HIVEP3: variants seen among roughly 807,000 people sequenced by gnomAD.
The protein encoded by HIVEP3 is HIVEP zinc finger 3.
Under a neutral mutation model 152.8 loss-of-function variants are expected in HIVEP3, and 49 were observed. The observed-to-expected ratio is 0.32, with a 90% CI of 0.26 to 0.41. The LOEUF is 0.41. Among genes scored for constraint, HIVEP3 ranks in the 10% least tolerant of loss-of-function variants. The pLI is 1.00. For synonymous variants in HIVEP3, 1,269 were observed against 1,289.0 expected (o/e 0.98, Z 0.33); for missense variants, 2,790 against 3,103.3 (o/e 0.90, Z 2.40).
intron 1 of HIVEP3, among the ~76,000 whole-genome samples, chr1:42,007,081 T>A (rs531239736): frequency 9.2e-5 from 14 of 152,190 alleles, no homozygotes; most frequent in Non-Finnish European, 1.9e-4. Context: ...TTCTGAGTAA[T>A]AAGCACAATT....
At chr1:41,949,223 T>C (rs1645092001) in intron 1 of HIVEP3, among the ~76,000 whole-genome samples, 1 of 152,356 alleles carries the variant, frequency 6.6e-6, no homozygotes, top group South Asian at 2.1e-4. Context: ...GCAAGATTTA[T>C]ACAATTATGT....
chr1:41,969,348 G>A (rs972003624), intron 1 of HIVEP3, among the ~76,000 whole-genome samples: 1 of 152,044 alleles, frequency 6.6e-6, no homozygotes, highest in Admixed American at 6.5e-5. Flanking sequence ...CATGATACTG[G>A]TACAAAATAG....
rs1486046552 is a variant in HIVEP3 at position 41,507,017 on chromosome 1, A to C, written c.*3434T>G. On this transcript the variant is annotated 3_prime_UTR_variant, in exon 9 of 9. Transcript: ENST00000372583. ...AACACAGAAGCAGAATTGGTGGAAC[A>C]GGCTTTCGGGAACTTTCTTCCCCTG... is the stretch of plus-strand genomic sequence containing the variant. 1 of 152,062 alleles carries C rather than the reference A, an allele frequency of 6.6e-6. No homozygotes were observed. 9.4% of individuals were successfully genotyped at this position (152,062 alleles called of 1,614,324 possible).
intron 1 of HIVEP3, among the ~76,000 whole-genome samples, chr1:41,947,881 C>A (rs868035945): frequency 6.6e-6 from 1 of 152,206 alleles, no homozygotes; most frequent in Non-Finnish European, 1.5e-5. Context: ...GTGTGGACAT[C>A]TCATGATGTG....
chr1:41,984,161 C>T (rs777200412), intron 1 of HIVEP3, among the ~76,000 whole-genome samples: 1 of 152,150 alleles, frequency 6.6e-6, no homozygotes, highest in African/African-American at 2.4e-5. Context: ...TTTGTAGATA[C>T]AGGGTCTTGC....
chr1:41,945,734 C>T (rs1020389851), intron 1 of HIVEP3, among the ~76,000 whole-genome samples: 7 of 152,090 alleles, frequency 4.6e-5, no homozygotes, highest in African/African-American at 1.7e-4. Context: ...TAGGAAGAAG[C>T]CCATGAATTA....
intron 1 of HIVEP3, among the ~76,000 whole-genome samples, chr1:41,789,947 C>T (rs1358966181): frequency 3.3e-5 from 5 of 152,190 alleles, no homozygotes; most frequent in African/African-American, 1.2e-4. Flanking sequence ...CAGGATCACA[C>T]GTAACACCCA....
intron 1 of HIVEP3, among the ~76,000 whole-genome samples, chr1:41,979,437 A>C (rs1444214447): frequency 6.6e-6 from 1 of 152,196 alleles, no homozygotes; most frequent in African/African-American, 2.4e-5. Flanking sequence ...AGGCTTAGTC[A>C]CTTGTCCACA....
At chr1:41,697,750 T>G (rs1233203275) in intron 2 of HIVEP3, among the ~76,000 whole-genome samples, 1 of 152,340 alleles carries the variant, frequency 6.6e-6, no homozygotes, top group East Asian at 1.9e-4. Context: ...TATCCCCACA[T>G]GCTGCCCTCA....
intron 2 of HIVEP3, among the ~76,000 whole-genome samples, chr1:41,685,215 CT>C (rs2124097768): frequency 6.6e-6 from 1 of 152,312 alleles, no homozygotes; most frequent in African/African-American, 2.4e-5. Context: ...CAAGGTGCTA[CT>C]CCCCCAAACA....
intron 5 of HIVEP3, among the ~76,000 whole-genome samples, chr1:41,527,788 G>C (rs1199645885): frequency 2.6e-5 from 2 of 77,634 alleles, no homozygotes; most frequent in Non-Finnish European, 5.1e-5. Flanking sequence ...ACTCACACTC[G>C]TTCTCACACT....
At chr1:41,824,314 A>G (rs1642694170) in intron 1 of HIVEP3, among the ~76,000 whole-genome samples, 1 of 152,216 alleles carries the variant, frequency 6.6e-6, no homozygotes, top group East Asian at 1.9e-4. Flanking sequence ...CATTTCCACC[A>G]TTTACTTTCC....
intron 1 of HIVEP3, among the ~76,000 whole-genome samples, chr1:41,932,509 G>A (rs901746269): frequency 6.6e-6 from 1 of 151,812 alleles, no homozygotes; most frequent in African/African-American, 2.4e-5. Context: ...AATATCTGTA[G>A]GGTCAGCAGT....
At chr1:42,025,114 C>A (rs1206737480) in intron 1 of HIVEP3, among the ~76,000 whole-genome samples, 1 of 152,182 alleles carries the variant, frequency 6.6e-6, no homozygotes, top group Non-Finnish European at 1.5e-5. Flanking sequence ...GTTTCTGCCC[C>A]ATTCTCTTTC....
At chr1:41,950,700 A>G (rs1431594784) in intron 1 of HIVEP3, among the ~76,000 whole-genome samples, 1 of 152,228 alleles carries the variant, frequency 6.6e-6, no homozygotes, top group Non-Finnish European at 1.5e-5. Flanking sequence ...ACATGTAAAT[A>G]ATAGGGGACA....
intron 1 of HIVEP3, among the ~76,000 whole-genome samples, chr1:41,870,481 CTGACACAGTACG>C (rs1340203200): frequency 6.6e-6 from 1 of 152,166 alleles, no homozygotes; most frequent in African/African-American, 2.4e-5. Context: ...TTCCCAGCGC[CTGACACAGTACG>C]TGCAACATGG....
rs771153576 is a variant in HIVEP3 at position 41,583,142 on chromosome 1, G to A, written c.1656C>T (p.Thr552=). Residue 552 remains threonine, a synonymous_variant, in exon 4 of 9, where the codon ACC becomes ACT. Transcript: ENST00000372583. The surrounding 1 kb of genome is among the most constrained non-coding windows in gnomAD (Gnocchi z 6.9). ...AGCTACCTCGGAAGGGGTGGTGGGGGGTGCTGATAGTGCAGGCGGCAGAAG... is the reference window on the plus strand; with the variant it reads ...AGCTACCTCGGAAGGGGTGGTGGGGAGTGCTGATAGTGCAGGCGGCAGAAG... ...SMPSAACTIS[T]PHHPFRGSYS... is the part of the protein sequence containing the mutation. 3.1e-5 allele frequency: 50 copies of A among 1,613,268 alleles called. 1 individual carries two copies. In the South Asian group the frequency reaches 5.3e-4, roughly 17 times the overall value.
At chr1:41,610,163 C>G (rs1226097631) in intron 3 of HIVEP3, among the ~76,000 whole-genome samples, 1 of 152,170 alleles carries the variant, frequency 6.6e-6, no homozygotes, top group African/African-American at 2.4e-5. Flanking sequence ...ATCTCTCTCT[C>G]TGTATACACA....
intron 5 of HIVEP3, among the ~76,000 whole-genome samples, chr1:41,526,463 C>T (rs1456914357): frequency 3.6e-5 from 5 of 139,298 alleles, no homozygotes; most frequent in Admixed American, 1.4e-4. Flanking sequence ...CATGCTCACA[C>T]CCCCACACTC....
Sources: gnomAD v4.1 joint callset for allele counts (sites outside exome capture counted in the v4.1 genomes callset) on GRCh38, gnomAD v4.1.1 for gene constraint, Gnocchi (gnomAD v3.1) non-coding constraint, MANE v1.5 for transcripts, NCBI Gene and HGNC (gene_info 2026-07-23, HGNC 2026-07-21) for gene names.